RASAL2: variants seen among roughly 807,000 people sequenced by gnomAD.
RASAL2 encodes ras GTPase-activating protein nGAP.
RASAL2 carries 58 observed loss-of-function variants against 128.9 expected under a neutral mutation model. The observed-to-expected ratio is 0.45, with a 90% confidence interval of 0.36 to 0.56. The LOEUF is 0.56. Ranked by LOEUF, RASAL2 falls within the 20% of genes least tolerant of loss-of-function variation. RASAL2 has a pLI of 0.00. For missense variants in RASAL2, 1,360 were observed against 1,601.6 expected, an observed-to-expected ratio of 0.85 and a Z score of 2.57; for synonymous variants, 561 against 580.8, an observed-to-expected ratio of 0.97 and a Z score of 0.49.
At position 178,443,162 on chromosome 1, in the gene RASAL2, G is replaced by C; in HGVS notation, c.1415G>C (p.Ser472Thr). The change falls in exon 8 of 18, where the codon AGT (serine) becomes ACT (threonine). Residue 472 changes from serine to threonine, a missense_variant. By Grantham distance (58) the Ser-to-Thr change is moderately conservative (BLOSUM62 1). This residue lies in a region of RASAL2 where 617 missense variants were observed against 714.2 expected (regional missense o/e 0.86). Coordinates refer to ENST00000367649, the MANE Select transcript of RASAL2 (RefSeq NM_170692.4). ...TGTTCTGTCCTTGAGCCAGTAATTAGTGTGAGAAATAAAGAGGAGTTGGCT... is the reference window on the plus strand; with the variant it reads ...TGTTCTGTCCTTGAGCCAGTAATTACTGTGAGAAATAAAGAGGAGTTGGCT... ...MLCSVLEPVI[S>T]VRNKEELACA... 2 of 1,613,782 alleles carry C rather than the reference G, an allele frequency of 1.2e-6. No individual in the cohort carries two copies. The highest frequency in any genetic ancestry group is 1.7e-6 in the Non-Finnish European group (2 of 1,179,760).
In RASAL2 at chr1:178,395,811, A is replaced by G. The variant is rs1031977659; in HGVS notation, c.564+5605A>G. On this transcript the variant is annotated intron_variant, in intron 4 of 17. Coordinates refer to ENST00000367649, the MANE Select transcript of RASAL2 (RefSeq NM_170692.4). ...TATATATTTATTTATTCATATGTGTATGAATGTATAGATATGAGTATATTC... is the reference window on the plus strand; with the variant it reads ...TATATATTTATTTATTCATATGTGTGTGAATGTATAGATATGAGTATATTC... Among the ~76,000 whole-genome samples the G allele has an allele frequency of 6.3e-4, 91 of 145,506 alleles. 1 individual carries two copies. The highest frequency in any genetic ancestry group is 2.3e-3 in the African/African-American group (88 of 38,004).
intron 1 of RASAL2, among the ~76,000 whole-genome samples, chr1:178,110,650 A>ATATATGTATG (rs68137228): frequency 1.4e-5 from 2 of 139,158 alleles, no homozygotes; most frequent in African/African-American, 2.6e-5. Context: ...ATATATATAT[A>ATATATGTATG]TATGTATGTA....
intron 4 of RASAL2, among the ~76,000 whole-genome samples, chr1:178,403,325 A>G (rs1033021641): frequency 4.6e-5 from 7 of 152,174 alleles, no homozygotes; most frequent in African/African-American, 1.7e-4. Context: ...AATTCACATT[A>G]ATCATTATCA....
intron 13 of RASAL2, 119 bp downstream of exon 13, chr1:178,457,018 A>G: frequency 2.1e-6 from 2 of 944,792 alleles, no homozygotes; most frequent in Non-Finnish European, 3.1e-6. Context: ...CTGAAGACTC[A>G]TCTGACCTGA....
intron 1 of RASAL2, among the ~76,000 whole-genome samples, chr1:178,210,516 G>T (rs1663214741): frequency 6.6e-6 from 1 of 152,020 alleles, no homozygotes; most frequent in South Asian, 2.1e-4. Flanking sequence ...AAGATTTTTT[G>T]TGACTCATTT....
At chr1:178,306,487 T>G (rs1196760822) in intron 3 of RASAL2, among the ~76,000 whole-genome samples, 1 of 152,186 alleles carries the variant, frequency 6.6e-6, no homozygotes, top group African/African-American at 2.4e-5. Context: ...ACTTCCACAA[T>G]GGTTGAACTA....
At chr1:178,384,675 A>AACACAC (rs1051898433) in intron 3 of RASAL2, among the ~76,000 whole-genome samples, 1 of 149,752 alleles carries the variant, frequency 6.7e-6, no homozygotes, top group East Asian at 1.9e-4. Context: ...AAAAAAAAAA[A>AACACAC]ACACACACAC....
At chr1:178,280,036 G>A (rs1008638768) in intron 1 of RASAL2, among the ~76,000 whole-genome samples, 2 of 152,040 alleles carry the variant, frequency 1.3e-5, no homozygotes, top group Non-Finnish European at 2.9e-5. Flanking sequence ...GTGGACCAGT[G>A]GTTTTTGATG....
chr1:178,250,591 C>T lies in RASAL2; in HGVS notation c.203-32973C>T, dbSNP rs147675137. 2.6e-3 allele frequency among the ~76,000 whole-genome samples: 392 copies of T among 152,256 alleles called. 1 individual carries two copies. Among genetic ancestry groups the T allele is most frequent in the African/African-American group, 8.9e-3 (368 of 41,568 alleles). On this transcript the variant is annotated intron_variant, in intron 1 of 17. Coordinates refer to ENST00000367649, the MANE Select transcript of RASAL2 (RefSeq NM_170692.4). ...TTTCCAGGAGAGTAAACAGTGCTGT[C>T]TTGCTGGGGTTCCAGGCGCCACTCA... is the stretch of plus-strand genomic sequence containing the variant.
chr1:178,231,382 T>A (rs1204238860), intron 1 of RASAL2, among the ~76,000 whole-genome samples: 1 of 152,214 alleles, frequency 6.6e-6, no homozygotes, highest in Non-Finnish European at 1.5e-5. Flanking sequence ...TTTTAAAAAA[T>A]TGGTTTTTCT....
Position 178,301,887 on chromosome 1 carries a change from G to A in RASAL2, c.457+1769G>A, listed in dbSNP as rs144498791. ...TATAGGAAATTGTTAAATATCTACAGTGTTCGAGGTACTGGCCCCAAAAAC... is the reference window on the plus strand; with the variant it reads ...TATAGGAAATTGTTAAATATCTACAATGTTCGAGGTACTGGCCCCAAAAAC... On this transcript the variant is annotated intron_variant, in intron 3 of 17. Transcript: ENST00000367649. Among the ~76,000 whole-genome samples the A allele has an allele frequency of 1.7e-4, 26 of 152,296 alleles. 1 individual carries two copies. In the East Asian group the frequency reaches 4.8e-3, roughly 28 times the overall value.
At chr1:178,309,932 A>T (rs377181286) in intron 3 of RASAL2, among the ~76,000 whole-genome samples, 3 of 152,258 alleles carry the variant, frequency 2.0e-5, no homozygotes, top group African/African-American at 7.2e-5. Context: ...GGCTAATAAC[A>T]CTCATGCAGT....
At chr1:178,154,181 C>T (rs897058771) in intron 1 of RASAL2, among the ~76,000 whole-genome samples, 1 of 149,854 alleles carries the variant, frequency 6.7e-6, no homozygotes, top group South Asian at 2.1e-4. Context: ...GGGTCTTGCT[C>T]TATACTCCAG....
intron 1 of RASAL2, among the ~76,000 whole-genome samples, chr1:178,222,942 A>G (rs886301206): frequency 3.3e-5 from 5 of 152,132 alleles, no homozygotes; most frequent in African/African-American, 9.7e-5. Flanking sequence ...TTAAGAAACA[A>G]AAAATTACTT....
intron 5 of RASAL2, among the ~76,000 whole-genome samples, chr1:178,436,733 T>C (rs1676279340): frequency 6.6e-6 from 1 of 152,032 alleles, no homozygotes; most frequent in Admixed American, 6.6e-5. Flanking sequence ...TTTTACTTTT[T>C]ATTTTTTATT....
intron 1 of RASAL2, among the ~76,000 whole-genome samples, chr1:178,146,709 C>T (rs1660742055): frequency 6.6e-6 from 1 of 152,124 alleles, no homozygotes; most frequent in African/African-American, 2.4e-5. Flanking sequence ...ATGTAGGTGG[C>T]CATGGGAAGG....
At chr1:178,407,840 C>G (rs1289420513) in intron 4 of RASAL2, among the ~76,000 whole-genome samples, 1 of 152,192 alleles carries the variant, frequency 6.6e-6, no homozygotes. Flanking sequence ...CTTATTACCC[C>G]CACGGAGGCT....
In RASAL2 at chr1:178,346,152, A is replaced by G. The variant is rs529049232; in HGVS notation, c.458-43948A>G. 3.3e-5 allele frequency among the ~76,000 whole-genome samples: 5 copies of G among 152,298 alleles called. No individual in the cohort carries two copies. The East Asian group carries it at 9.6e-4, about 29-fold the overall frequency. Reference sequence around the variant, plus strand: ...CCACATCAGCCAGGTTCAGTGGCTCATACTTGTAATCTCAACACTTTGGGA... The same window carrying G: ...CCACATCAGCCAGGTTCAGTGGCTCGTACTTGTAATCTCAACACTTTGGGA... On this transcript the variant is annotated intron_variant, in intron 3 of 17. Transcript: ENST00000367649.
At chr1:178,277,605 A>T (rs1031921636) in intron 1 of RASAL2, among the ~76,000 whole-genome samples, 1 of 152,264 alleles carries the variant, frequency 6.6e-6, no homozygotes, top group Admixed American at 6.5e-5. Context: ...AAGCCAGGTT[A>T]GCTGTGGTGT....
Sources: allele counts gnomAD v4.1 joint callset (sites outside exome capture counted in the v4.1 genomes callset), GRCh38; gene constraint gnomAD v4.1.1; regional missense constraint gnomAD v4.1.1; transcripts MANE v1.5; gene names NCBI Gene and HGNC (gene_info 2026-07-23, HGNC 2026-07-21).